DIP2C: variants seen among roughly 807,000 people sequenced by gnomAD.
DIP2C encodes the protein disco-interacting protein 2 homolog C.
Under a neutral mutation model 192.4 loss-of-function variants are expected in DIP2C, and 33 were observed. The ratio of observed to expected loss-of-function variants is 0.17; its 90% CI spans 0.13 to 0.23. The LOEUF is 0.23. Ranked by LOEUF, DIP2C falls within the 10% of genes least tolerant of loss-of-function variation. The probability of loss-of-function intolerance (pLI) is 1.00; values close to 1 mark genes in which losing one functional copy is unlikely to be tolerated. For synonymous variants in DIP2C, 979 were observed against 864.1 expected (o/e 1.13, Z -2.33); for missense variants, 1,537 against 2,110.1 (o/e 0.73, Z 5.32).
At position 663,083 on chromosome 10, in the gene DIP2C, C is replaced by G. The variant is rs562591157; in HGVS notation, c.85+26411G>C. On this transcript the variant is annotated intron_variant, in intron 1 of 36. Coordinates refer to ENST00000280886, the MANE Select transcript of DIP2C (RefSeq NM_014974.3). The stretch of plus-strand genomic sequence containing the variant: ...GTGACCGTGACCCAGTGATACCACT[C>G]TCCAGTGGGCAGCCTGGTCTGCAGA... 102 of 593,942 alleles carry G rather than the reference C, an allele frequency of 1.7e-4. 4 individuals carry two copies. In the South Asian group the frequency reaches 2.3e-3, roughly 13 times the overall value. 36.8% of individuals were successfully genotyped at this position (593,942 alleles called of 1,614,324 possible). A position where few individuals can be genotyped will look rare whatever the true frequency, so the allele number is the denominator to read the frequency against.
At chr10:674,821 G>C (rs1002722085) in intron 1 of DIP2C, among the ~76,000 whole-genome samples, 2 of 146,458 alleles carry the variant, frequency 1.4e-5, no homozygotes, top group African/African-American at 5.1e-5. Flanking sequence ...GAGAGAGAGA[G>C]AGAGAGAGAC....
chr10:395,170 A>G (rs1963889953), intron 10 of DIP2C, among the ~76,000 whole-genome samples: 1 of 140,542 alleles, frequency 7.1e-6, no homozygotes, highest in African/African-American at 2.7e-5. Context: ...GGACATGGGG[A>G]GATGTTGGTC....
chr10:479,892 T>C (rs1843461941), intron 2 of DIP2C, among the ~76,000 whole-genome samples: 1 of 150,022 alleles, frequency 6.7e-6, no homozygotes, highest in South Asian at 2.1e-4. Context: ...ACTGGATGAG[T>C]GTCATCCGCC....
rs758450345 is a variant in DIP2C, at chr10:364,381, G to T, written c.2470C>A (p.Arg824=). 6.2e-7 allele frequency: 1 copy of T among 1,610,646 alleles called. No individual in the cohort carries two copies. Among genetic ancestry groups the T allele is most frequent in the Non-Finnish European group, 8.5e-7 (1 of 1,177,294 alleles). The change falls in exon 20 of 37, where the codon CGG becomes AGG. Residue 824 remains arginine, a synonymous_variant. Transcript: ENST00000280886. The part of the protein sequence containing the change: ...LAVEPMKFVY[R]GRIAVFSVTV... ...TTGCAGAACGCCACTGACCTTCCCC[G>T]GTAGACAAACTTCATGGGTTCTACG...
intron 1 of DIP2C, among the ~76,000 whole-genome samples, chr10:545,789 T>C (rs889212450): frequency 7.2e-5 from 11 of 152,146 alleles, no homozygotes; most frequent in African/African-American, 2.2e-4. Flanking sequence ...TCCTTTTCCA[T>C]GTGGATATCC....
intron 1 of DIP2C, among the ~76,000 whole-genome samples, chr10:541,956 AG>A (rs79520594): frequency 0.15 from 22,318 of 152,196 alleles, 2,186 homozygotes; most frequent in African/African-American, 0.27. Context: ...GAGCCTTGTC[AG>A]GGGCCTCTGG....
chr10:376,911 G>C (rs1961667901), intron 17 of DIP2C, among the ~76,000 whole-genome samples: 1 of 152,180 alleles, frequency 6.6e-6, no homozygotes, highest in African/African-American at 2.4e-5. Flanking sequence ...TGTTTAGCGT[G>C]ACACAGACTT....
chr10:530,997 G>A (rs1847335943), intron 1 of DIP2C, among the ~76,000 whole-genome samples: 1 of 152,154 alleles, frequency 6.6e-6, no homozygotes, highest in South Asian at 2.1e-4. Flanking sequence ...AGCCCCGACT[G>A]GACAGAAGGG....
chr10:470,722 T>C (rs17159560), intron 3 of DIP2C, among the ~76,000 whole-genome samples: 3,384 of 152,016 alleles, frequency 0.022, 120 homozygotes, highest in African/African-American at 0.077. Flanking sequence ...CTGACGCGGA[T>C]CTCCTGTGTG....
At chr10:297,546 CTAAA>C (rs1408822664) in intron 32 of DIP2C, among the ~76,000 whole-genome samples, 4 of 152,052 alleles carry the variant, frequency 2.6e-5, no homozygotes, top group African/African-American at 4.8e-5. Context: ...GCGCAGGACA[CTAAA>C]TAAAGTGAAA....
At chr10:614,147 G>A (rs1853285897) in intron 1 of DIP2C, among the ~76,000 whole-genome samples, 1 of 152,248 alleles carries the variant, frequency 6.6e-6, no homozygotes, top group Non-Finnish European at 1.5e-5. Flanking sequence ...CACACATGGA[G>A]GCATGTCAGG....
intron 1 of DIP2C, among the ~76,000 whole-genome samples, chr10:531,239 C>G (rs1199849110): frequency 6.6e-6 from 1 of 152,102 alleles, no homozygotes; most frequent in Non-Finnish European, 1.5e-5. Context: ...TCCACAATCC[C>G]GATGAGCACA....
At chr10:420,014 G>A (rs1230065400) in intron 5 of DIP2C, among the ~76,000 whole-genome samples, 4 of 152,186 alleles carry the variant, frequency 2.6e-5, no homozygotes, top group Non-Finnish European at 5.9e-5. Flanking sequence ...GAATCTTGAT[G>A]ACGGGCGCCA....
rs965093390 is a variant in DIP2C at position 472,445 on chromosome 10, G to T, written c.262C>A (p.Arg88=). ...CACCCCACCCCGTGCTTACCTGACC[G>T]ATAGCGCTCATCTCGTGACCCTGAA... is the stretch of plus-strand genomic sequence containing the variant. ...RSSGSRDERY[R]SDVHTEAVQA... Residue 88 remains arginine (R), a synonymous_variant, in exon 3 of 37, where the codon CGG becomes AGG. Transcript: ENST00000280886. 1.2e-6 allele frequency: 2 copies of T among 1,613,934 alleles called. No individual in the cohort carries two copies. Among genetic ancestry groups the T allele is most frequent in the African/African-American group, 1.3e-5 (1 of 74,918 alleles).
chr10:295,147 A>C (rs560494549), intron 32 of DIP2C, among the ~76,000 whole-genome samples: 18 of 152,352 alleles, frequency 1.2e-4, no homozygotes, highest in Admixed American at 2.6e-4. Flanking sequence ...AAAATAAAGA[A>C]ATAAAAGAAT....
chr10:326,522 C>CA (rs1229638082), intron 31 of DIP2C, among the ~76,000 whole-genome samples: 1 of 152,246 alleles, frequency 6.6e-6, no homozygotes, highest in Non-Finnish European at 1.5e-5. Context: ...ACTGTTAATG[C>CA]AAGGCTGTCT....
intron 1 of DIP2C, among the ~76,000 whole-genome samples, chr10:574,341 G>A (rs1331881501): frequency 6.6e-6 from 1 of 152,182 alleles, no homozygotes; most frequent in Middle Eastern, 3.2e-3. Flanking sequence ...AAACTGCACG[G>A]TTAGAATAAC....
intron 1 of DIP2C, among the ~76,000 whole-genome samples, chr10:570,918 C>T (rs956241015): frequency 2.6e-5 from 4 of 152,258 alleles, no homozygotes; most frequent in Non-Finnish European, 5.9e-5. Flanking sequence ...GCATCCCCCT[C>T]CTCGCCAGGC....
Position 634,157 on chromosome 10 carries a change from C to T in DIP2C, c.85+55337G>A, listed in dbSNP as rs193095988. Reference sequence around the variant, plus strand: ...CTCCCAGTCCACAGCTCAGGAGTGGCGTTTTATTCAGGGAAACACTAATAA... The same window carrying T: ...CTCCCAGTCCACAGCTCAGGAGTGGTGTTTTATTCAGGGAAACACTAATAA... On this transcript the variant is annotated intron_variant, in intron 1 of 36. Coordinates refer to ENST00000280886, the MANE Select transcript of DIP2C (RefSeq NM_014974.3). Among the ~76,000 whole-genome samples, 134 of 152,310 alleles carry T rather than the reference C, an allele frequency of 8.8e-4. 1 individual carries two copies. Among genetic ancestry groups the T allele is most frequent in the African/African-American group, 2.3e-3 (96 of 41,584 alleles).
Sources: gnomAD v4.1 joint callset for allele counts (sites outside exome capture counted in the v4.1 genomes callset) on GRCh38, gnomAD v4.1.1 for gene constraint, MANE v1.5 for transcripts, NCBI Gene and HGNC (gene_info 2026-07-23, HGNC 2026-07-21) for gene names.